Variants in CFDP1 observed in about 807,000 individuals in gnomAD.
The protein encoded by CFDP1 is chromatin remodeling protein CFDP1.
Under a neutral mutation model 40.1 loss-of-function variants are expected in CFDP1, and 31 were observed. The ratio of observed to expected loss-of-function variants is 0.77; its 90% CI spans 0.58 to 1.04. The LOEUF (loss-of-function observed/expected upper bound fraction) is 1.04. CFDP1 is among the 50% of genes least tolerant of loss of function. CFDP1 has a pLI of 0.00. For synonymous variants in CFDP1, 167 were observed against 120.0 expected, an observed-to-expected ratio of 1.39 and a Z score of -2.56; for missense variants, 423 against 343.4, an observed-to-expected ratio of 1.23 and a Z score of -1.83.
At chr16:75,385,151 G>A (rs2078885358) in intron 5 of CFDP1, among the ~76,000 whole-genome samples, 1 of 151,834 alleles carries the variant, frequency 6.6e-6, no homozygotes, top group Non-Finnish European at 1.5e-5. Context: ...ATCTATTAAA[G>A]GCAATTTCAT....
intron 6 of CFDP1, among the ~76,000 whole-genome samples, chr16:75,303,400 A>AATAAATGTATGTATGTATGT (rs745774792): frequency 6.2e-4 from 91 of 146,242 alleles, no homozygotes; most frequent in African/African-American, 1.6e-3. Context: ...TAAATAAATA[A>AATAAATGTATGTATGTATGT]ATGTATGTAT....
rs35178768 is a variant in CFDP1, at chr16:75,401,428, C to CAAA, written c.531-6222_531-6220dup. Among the ~76,000 whole-genome samples, 796 of 92,352 alleles carry CAAA rather than the reference C, an allele frequency of 8.6e-3. 22 individuals carry two copies. Among genetic ancestry groups the CAAA allele is most frequent in the African/African-American group, 0.031 (695 of 22,100 alleles). 60.6% of individuals were successfully genotyped at this position (92,352 alleles called of 152,430 possible). A position where few individuals can be genotyped will look rare whatever the true frequency, so the allele number is the denominator to read the frequency against. On this transcript the variant is annotated intron_variant, in intron 4 of 6. Transcript: ENST00000283882. ...GGGCAACAAAGTTAAGACTCCGTCTCAAAAAAAAAAAAAAAAAAAAAATTA... is the reference window on the plus strand; with the variant it reads ...GGGCAACAAAGTTAAGACTCCGTCTCAAAAAAAAAAAAAAAAAAAAAAAAATTA...
At chr16:75,329,371 G>A (rs950453218) in intron 5 of CFDP1, among the ~76,000 whole-genome samples, 4 of 152,198 alleles carry the variant, frequency 2.6e-5, no homozygotes, top group Non-Finnish European at 4.4e-5. Context: ...AGTGGACCCA[G>A]GACTGAGTCA....
At chr16:75,344,247 T>C (rs1271987811) in intron 5 of CFDP1, among the ~76,000 whole-genome samples, 2 of 152,216 alleles carry the variant, frequency 1.3e-5, no homozygotes, top group East Asian at 3.8e-4. Flanking sequence ...TTCACTGGTA[T>C]ACACAAACAT....
intron 5 of CFDP1, among the ~76,000 whole-genome samples, chr16:75,336,381 G>A (rs1376097143): frequency 6.6e-6 from 1 of 152,204 alleles, no homozygotes; most frequent in East Asian, 1.9e-4. Flanking sequence ...GGACAGTTGA[G>A]AGCTCAGTGA....
chr16:75,407,165 C>T (rs2079107923), intron 4 of CFDP1, among the ~76,000 whole-genome samples: 1 of 152,160 alleles, frequency 6.6e-6, no homozygotes, highest in Non-Finnish European at 1.5e-5. Flanking sequence ...AATGATTGCA[C>T]AACCACACTC....
rs60815655 is a variant in CFDP1, at chr16:75,349,682, A to ATATAT, written c.651-44501_651-44500insATATA. On this transcript the variant is annotated intron_variant, in intron 5 of 6. Transcript: ENST00000283882. ...AAAAAAAAAAAAAAAAAAAAAAAAAAAAAAAAAAATATATATACATACATA... is the reference window on the plus strand; with the variant it reads ...AAAAAAAAAAAAAAAAAAAAAAAAAATATATAAAAAAAAATATATATACATACATA... Among the ~76,000 whole-genome samples, 11 of 7,398 alleles carry ATATAT rather than the reference A, an allele frequency of 1.5e-3. 1 individual carries two copies. The highest frequency in any genetic ancestry group is 4.4e-3 in the African/African-American group (11 of 2,524). 4.9% of individuals were successfully genotyped at this position (7,398 alleles called of 152,430 possible).
intron 5 of CFDP1, among the ~76,000 whole-genome samples, chr16:75,308,097 T>A (rs2078270691): frequency 6.6e-6 from 1 of 152,230 alleles, no homozygotes; most frequent in Non-Finnish European, 1.5e-5. Context: ...CATTTCTGGC[T>A]GCAGGGTCTC....
At chr16:75,375,494 TAA>T (rs911628107) in intron 5 of CFDP1, among the ~76,000 whole-genome samples, 1 of 151,960 alleles carries the variant, frequency 6.6e-6, no homozygotes, top group African/African-American at 2.4e-5. Context: ...CTTACCCAAA[TAA>T]AAAAGACTGA....
intron 1 of CFDP1, among the ~76,000 whole-genome samples, chr16:75,419,439 A>G (rs1054839273): frequency 6.6e-6 from 1 of 152,250 alleles, no homozygotes; most frequent in African/African-American, 2.4e-5. Context: ...ACAGAATTAG[A>G]AAGACATCAC....
chr16:75,373,862 C>T (rs1312200792), intron 5 of CFDP1, among the ~76,000 whole-genome samples: 1 of 152,130 alleles, frequency 6.6e-6, no homozygotes, highest in Non-Finnish European at 1.5e-5. Flanking sequence ...GGAATTGTAT[C>T]ATCTTTCTAA....
chr16:75,320,470 A>C (rs1443680842), intron 5 of CFDP1, among the ~76,000 whole-genome samples: 1 of 152,064 alleles, frequency 6.6e-6, no homozygotes, highest in Non-Finnish European at 1.5e-5. Context: ...AATCAAGTGC[A>C]ATCAACTAAA....
rs370396820 is a variant in CFDP1 at position 75,390,756 on chromosome 16, C to A, written c.650+4334G>T. Among the ~76,000 whole-genome samples the A allele has an allele frequency of 3.3e-5, 5 of 152,336 alleles. No individual in the cohort carries two copies. In the South Asian group the frequency reaches 1.0e-3, roughly 32 times the overall value. On this transcript the variant is annotated intron_variant, in intron 5 of 6. Coordinates refer to ENST00000283882, the MANE Select transcript of CFDP1 (RefSeq NM_006324.3). ...CCTCTGGGGGAAGTCCATCACTTAA[C>A]AGAAGGTCTCAGCTCCTGTCAGGAG...
chr16:75,395,019 A>C (rs1295766404), intron 5 of CFDP1, 71 bp downstream of exon 5: 12 of 1,579,588 alleles, frequency 7.6e-6, no homozygotes, highest in African/African-American at 5.4e-5. Flanking sequence ...ATCTGCAGCG[A>C]AAGTAGGTAT....
intron 5 of CFDP1, among the ~76,000 whole-genome samples, chr16:75,335,572 T>C (rs1259878920): frequency 6.6e-6 from 1 of 151,424 alleles, no homozygotes. Flanking sequence ...TTTTTTTTTT[T>C]TTTAGACGGA....
chr16:75,307,342 A>G (rs914623669), intron 5 of CFDP1, among the ~76,000 whole-genome samples: 2 of 151,696 alleles, frequency 1.3e-5, no homozygotes, highest in East Asian at 3.9e-4. Flanking sequence ...CAGCCTCCCA[A>G]GTAGCTGGGA....
intron 5 of CFDP1, among the ~76,000 whole-genome samples, chr16:75,370,217 C>A (rs2078741685): frequency 6.6e-6 from 1 of 151,918 alleles, no homozygotes; most frequent in South Asian, 2.1e-4. Flanking sequence ...CTTGGCCTCC[C>A]AAGTAACTGG....
intron 5 of CFDP1, among the ~76,000 whole-genome samples, chr16:75,333,791 G>T (rs1475285766): frequency 6.6e-6 from 1 of 152,112 alleles, no homozygotes; most frequent in African/African-American, 2.4e-5. Flanking sequence ...TTTTGAAATA[G>T]AGGGAAGTAA....
At chr16:75,379,424 G>C (rs1012512259) in intron 5 of CFDP1, among the ~76,000 whole-genome samples, 5 of 151,874 alleles carry the variant, frequency 3.3e-5, no homozygotes, top group African/African-American at 1.2e-4. Context: ...AAAAGGATAA[G>C]AGAATATTAT....
Sources: gnomAD v4.1 joint callset for allele counts (sites outside exome capture counted in the v4.1 genomes callset) on GRCh38, gnomAD v4.1.1 for gene constraint, MANE v1.5 for transcripts, NCBI Gene and HGNC (gene_info 2026-07-23, HGNC 2026-07-21) for gene names.